Variants in NOX3 observed in about 807,000 individuals in gnomAD.
NOX3 encodes NADPH oxidase catalytic subunit-like 3.
NOX3 carries 74 observed loss-of-function variants against 76.7 expected under a neutral mutation model. The ratio of observed to expected loss-of-function variants is 0.96; its 90% CI spans 0.80 to 1.17. The LOEUF (loss-of-function observed/expected upper bound fraction) is 1.17. Among genes scored for constraint, NOX3 ranks in the 50% most tolerant of loss-of-function variants. The pLI is 0.00. For missense variants in NOX3, 695 were observed against 703.3 expected (o/e 0.99, Z 0.13); for synonymous variants, 263 against 261.1 (o/e 1.01, Z -0.07).
intron 4 of NOX3, among the ~76,000 whole-genome samples, chr6:155,447,926 C>T (rs1038107806): frequency 1.3e-5 from 2 of 152,154 alleles, no homozygotes; most frequent in African/African-American, 4.8e-5. Flanking sequence ...TATTCCTTCC[C>T]TTCTACATTT....
Position 155,396,851 on chromosome 6 carries a change from G to A in NOX3, c.1692C>T (p.Asn564=). 6.2e-7 allele frequency: 1 copy of A among 1,611,394 alleles called. No homozygotes were observed. Among genetic ancestry groups the A allele is most frequent in the Non-Finnish European group, 8.5e-7 (1 of 1,178,350 alleles). The change falls in exon 13 of 14, where the codon AAC becomes AAT. Residue 564 remains asparagine, a synonymous_variant. Transcript: ENST00000159060. ...ADPRGVHFYY[N]KESF Reference sequence around the variant, plus strand: ...CCTCCAAAGTCTAGAAGCTCTCCTTGTTGTAATAGAAATGAACACCTCTGG... The same window carrying A: ...CCTCCAAAGTCTAGAAGCTCTCCTTATTGTAATAGAAATGAACACCTCTGG...
At chr6:155,449,300 T>C (rs547084197) in intron 4 of NOX3, among the ~76,000 whole-genome samples, 1 of 152,274 alleles carries the variant, frequency 6.6e-6, no homozygotes, top group African/African-American at 2.4e-5. Context: ...CTGCCGACTC[T>C]GCCAGGGAGA....
intron 10 of NOX3, among the ~76,000 whole-genome samples, chr6:155,415,620 T>C (rs937905403): frequency 6.6e-6 from 1 of 152,218 alleles, no homozygotes; most frequent in Non-Finnish European, 1.5e-5. Context: ...TCTGCTGTGG[T>C]AGACTGCTGC....
rs535568325 is a variant in NOX3, at chr6:155,443,202, C to T, written c.486+71G>A. The T allele has an allele frequency of 1.1e-4, 157 of 1,406,670 alleles. No homozygotes were observed. The Middle Eastern group carries it at 1.7e-3, about 15-fold the overall frequency. 87.1% of individuals were successfully genotyped at this position (1,406,670 alleles called of 1,614,324 possible). ...TTTTATTAAAAGCTTTTCAATATAG[C>T]GTTCCTGATTAGAGGACTGGAAAAG... On this transcript the variant is annotated intron_variant, in intron 5 of 13. Coordinates refer to ENST00000159060, the MANE Select transcript of NOX3 (RefSeq NM_015718.3).
At chr6:155,443,675 T>C (rs1006200949) in intron 4 of NOX3, among the ~76,000 whole-genome samples, 3 of 152,098 alleles carry the variant, frequency 2.0e-5, no homozygotes, top group African/African-American at 7.2e-5. Flanking sequence ...TCATAAAGTG[T>C]ATAGTTATCA....
At position 155,396,823 on chromosome 6, in the gene NOX3, T is replaced by G; in HGVS notation, c.*13A>C. On this transcript the variant is annotated 3_prime_UTR_variant, in exon 13 of 14. Transcript: ENST00000159060. ...CAGCCACTTACACAATGCCTGGACT[T>G]GACCTCCAAAGTCTAGAAGCTCTCC... The G allele has an allele frequency of 6.2e-7, 1 of 1,605,300 alleles. No individual in the cohort carries two copies. Among genetic ancestry groups the G allele is most frequent in the African/African-American group, 1.3e-5 (1 of 74,616 alleles).
At chr6:155,417,837 G>A (rs1776639891) in intron 10 of NOX3, among the ~76,000 whole-genome samples, 2 of 151,916 alleles carry the variant, frequency 1.3e-5, no homozygotes, top group Admixed American at 6.6e-5. Flanking sequence ...CCACTGGCCC[G>A]TGCTGTCTTT....
At chr6:155,436,318 T>C in intron 7 of NOX3, 100 bp downstream of exon 7, 1 of 1,352,408 alleles carries the variant, frequency 7.4e-7, no homozygotes. Flanking sequence ...GTTGGCTTTG[T>C]CTAGTGGTGA....
At chr6:155,407,029 A>G in intron 12 of NOX3, 101 bp downstream of exon 12, 1 of 1,292,998 alleles carries the variant, frequency 7.7e-7, no homozygotes, top group Non-Finnish European at 1.1e-6. Flanking sequence ...TTTTGTCTCT[A>G]ATGGAGATAT....
In NOX3 at chr6:155,411,217, AT is replaced by A. The variant is rs1337827813; in HGVS notation, c.1451del (p.Asn484IlefsTer6). ...YHIFLTGWDE[N>X]QALHIALHWD... is the part of the protein sequence containing the mutation. ...ATTCTCAGAGTCTTATCAGTACCTG[AT>A]TTTCATCCCAGCCGGTAAGAAATAT... On this transcript the variant is annotated frameshift_variant, in exon 11 of 14. Transcript: ENST00000159060. LOFTEE classifies it high-confidence loss of function. 1 of 1,613,388 alleles carries A rather than the reference AT, an allele frequency of 6.2e-7. No individual in the cohort carries two copies. Among genetic ancestry groups the A allele is most frequent in the Non-Finnish European group, 8.5e-7 (1 of 1,179,660 alleles).
intron 5 of NOX3, among the ~76,000 whole-genome samples, chr6:155,442,106 T>C (rs1417178467): frequency 6.6e-6 from 1 of 151,820 alleles, no homozygotes; most frequent in African/African-American, 2.4e-5. Context: ...CTACTAAAAA[T>C]AACAAAAATT....
intron 5 of NOX3, among the ~76,000 whole-genome samples, chr6:155,442,120 T>C (rs184426505): frequency 2.2e-4 from 34 of 152,082 alleles, no homozygotes; most frequent in Admixed American, 3.3e-4. Flanking sequence ...AAAAATTAGC[T>C]GGGCGTGGTG....
At chr6:155,403,086 G>A (rs1015792818) in intron 12 of NOX3, among the ~76,000 whole-genome samples, 9 of 152,138 alleles carry the variant, frequency 5.9e-5, no homozygotes, top group African/African-American at 1.2e-4. Context: ...AACAGTAATT[G>A]GATTGTGTGT....
rs946388576 is a variant in NOX3 at position 155,410,197 on chromosome 6, C to A, written c.1455+1017G>T. Among the ~76,000 whole-genome samples, 3 of 152,112 alleles carry A rather than the reference C, an allele frequency of 2.0e-5. No homozygotes were observed. In the East Asian group the frequency reaches 5.8e-4, roughly 29 times the overall value. ...AGGATTAAATATTTAAGAAGGACTG[C>A]AAATAAGACCATAAAAATTCATTAA... On this transcript the variant is annotated intron_variant, in intron 11 of 13. Transcript: ENST00000159060.
intron 4 of NOX3, among the ~76,000 whole-genome samples, chr6:155,444,867 C>T (rs1289737281): frequency 6.6e-6 from 1 of 152,148 alleles, no homozygotes; most frequent in African/African-American, 2.4e-5. Context: ...TATATATACC[C>T]CTGCACATAC....
intron 7 of NOX3, among the ~76,000 whole-genome samples, chr6:155,433,498 T>C (rs1776860777): frequency 6.6e-6 from 1 of 152,224 alleles, no homozygotes; most frequent in Non-Finnish European, 1.5e-5. Context: ...ACTAGGCACA[T>C]CTTGAGATTT....
intron 10 of NOX3, among the ~76,000 whole-genome samples, chr6:155,419,987 A>G (rs956257346): frequency 1.2e-4 from 18 of 152,112 alleles, no homozygotes; most frequent in African/African-American, 4.1e-4. Flanking sequence ...GATTTATTCA[A>G]TATTTTTACT....
intron 3 of NOX3, among the ~76,000 whole-genome samples, 168 bp downstream of exon 3, chr6:155,454,643 T>A (rs1777187717): frequency 6.6e-6 from 1 of 152,208 alleles, no homozygotes; most frequent in Non-Finnish European, 1.5e-5. Context: ...ATCAGATAGA[T>A]GTACTGATTA....
intron 10 of NOX3, 34 bp downstream of exon 10, chr6:155,422,651 ACCTTTTAAT>A: frequency 6.3e-7 from 1 of 1,593,114 alleles, no homozygotes; most frequent in Non-Finnish European, 8.6e-7. Flanking sequence ...AGGACATTGA[ACCTTTTAAT>A]CCATGGAAGG....
Sources: allele counts gnomAD v4.1 joint callset (sites outside exome capture counted in the v4.1 genomes callset), GRCh38; gene constraint gnomAD v4.1.1; transcripts MANE v1.5; gene names NCBI Gene and HGNC (gene_info 2026-07-23, HGNC 2026-07-21).